Variants in ARVCF observed in about 807,000 individuals in gnomAD.
The protein encoded by ARVCF is ARVCF delta catenin family member.
A neutral mutation model predicts 90.9 loss-of-function variants in ARVCF; 66 were observed. The ratio of observed to expected loss-of-function variants is 0.73; its 90% confidence interval spans 0.60 to 0.89. The LOEUF is 0.89. ARVCF is among the 40% of genes least tolerant of loss of function. The pLI is 0.00. For synonymous variants in ARVCF, 653 were observed against 603.4 expected, an observed-to-expected ratio of 1.08 and a Z score of -1.21; for missense variants, 1,469 against 1,382.3, an observed-to-expected ratio of 1.06 and a Z score of -1.00.
chr22:19,981,651 G>T lies in ARVCF; in HGVS notation c.456C>A (p.Gly152=). The change falls in exon 5 of 20, where the codon GGC becomes GGA. Residue 152 remains glycine, a synonymous_variant. Transcript: ENST00000263207. ...GPDGLPLLDG[G]PPLGPFADGA... ...CATCTGCAAAAGGGCCTAGTGGGGG[G>T]CCGCCATCCAGCAGGGGGAGTCCAT... 1.2e-6 allele frequency: 2 copies of T among 1,609,532 alleles called. No individual in the cohort carries two copies. The highest frequency in any genetic ancestry group is 1.7e-6 in the Non-Finnish European group (2 of 1,179,342).
chr22:19,991,821 A>G (rs73387746), intron 2 of ARVCF, among the ~76,000 whole-genome samples: 5,742 of 152,362 alleles, frequency 0.038, 373 homozygotes, highest in African/African-American at 0.13. Flanking sequence ...TGGGCAGGGC[A>G]TAGCCACGAG....
Position 19,971,342 on chromosome 22 carries a change from C to T in ARVCF, c.2782-7G>A, listed in dbSNP as rs752603487. The T allele has an allele frequency of 2.2e-5, 34 of 1,549,982 alleles. No individual in the cohort carries two copies. Among genetic ancestry groups the T allele is most frequent in the Non-Finnish European group, 2.8e-5 (32 of 1,147,506 alleles). On this transcript the variant is annotated splice_polypyrimidine_tract_variant and splice_region_variant and intron_variant, in intron 18 of 19. Coordinates refer to ENST00000263207, the MANE Select transcript of ARVCF (RefSeq NM_001670.3). Reference sequence around the variant, plus strand: ...CCTTCCTGCTGGGGTCGAGCTGCAGCGCACGGGTGGGCATTAGAGGCACAA... The same window carrying T: ...CCTTCCTGCTGGGGTCGAGCTGCAGTGCACGGGTGGGCATTAGAGGCACAA...
chr22:19,995,787 C>A (rs1009584341), intron 2 of ARVCF, among the ~76,000 whole-genome samples: 3 of 152,082 alleles, frequency 2.0e-5, no homozygotes, highest in East Asian at 1.9e-4. Flanking sequence ...CTGCGCTGGC[C>A]CCCCCCTCGA....
At chr22:19,986,277 C>T (rs1943760558) in intron 3 of ARVCF, among the ~76,000 whole-genome samples, 1 of 152,222 alleles carries the variant, frequency 6.6e-6, no homozygotes, top group South Asian at 2.1e-4. Context: ...GTAGGACAGG[C>T]AGGGGCCTAG....
At position 19,971,212 on chromosome 22, in the gene ARVCF, G is replaced by A. The variant is rs1207037199; in HGVS notation, c.*12+4C>T. ...TGGACGAACAACCAGATGAGAGAAC[G>A]TACCAGGCATGCAAGCTAGACCCAG... On this transcript the variant is annotated splice_donor_region_variant and intron_variant, in intron 19 of 19. Transcript: ENST00000263207. 1.0e-5 allele frequency: 16 copies of A among 1,552,052 alleles called. No homozygotes were observed. The highest frequency in any genetic ancestry group is 1.7e-4 in the Middle Eastern group (1 of 6,012).
intron 3 of ARVCF, among the ~76,000 whole-genome samples, chr22:19,987,673 G>A (rs1467481020): frequency 6.6e-6 from 1 of 151,986 alleles, no homozygotes; most frequent in Non-Finnish European, 1.5e-5. Context: ...CAGTAGTCAC[G>A]GCTCTGTGAG....
chr22:19,987,090 G>A (rs868533297), intron 3 of ARVCF: 2 of 603,382 alleles, frequency 3.3e-6, no homozygotes, highest in South Asian at 1.8e-5. Context: ...AGTTCGGCCG[G>A]CATCGGGCCG....
chr22:19,973,524 C>G, intron 13 of ARVCF, 119 bp downstream of exon 13: 2 of 1,480,180 alleles, frequency 1.4e-6, no homozygotes, highest in Admixed American at 4.3e-5. Context: ...GGACAGCGCC[C>G]AAGCGAGAGG....
At chr22:19,978,838 G>A in intron 7 of ARVCF, 59 bp downstream of exon 7, 1 of 1,553,706 alleles carries the variant, frequency 6.4e-7, no homozygotes, top group East Asian at 2.3e-5. Flanking sequence ...ACACTATCTG[G>A]GACCACGAGG....
At position 19,973,281 on chromosome 22, in the gene ARVCF, C is replaced by A; in HGVS notation, c.2276G>T (p.Arg759Leu). ...YAMAELVRNVRNAQAPPRPGA... is the reference protein window; with the variant it reads ...YAMAELVRNVLNAQAPPRPGA... ...CGGTCGCGGCGGAGCCTGTGCATTG[C>A]GCACATTCCGCACAAGCTCAGCCAT... The change falls in exon 14 of 20, where the codon CGC becomes CTC. Residue 759 changes from arginine (R) to leucine (L), a missense_variant. Transcript: ENST00000263207. 6.2e-7 allele frequency: 1 copy of A among 1,605,828 alleles called. No individual in the cohort carries two copies.
downstream of ARVCF, chr22:19,967,193 T>G (rs1284090248): frequency 2.3e-6 from 3 of 1,304,860 alleles, no homozygotes; most frequent in South Asian, 3.7e-5. Flanking sequence ...TTCAGTCCGC[T>G]GACGTCTTCT....
chr22:19,986,068 C>G (rs759585804), intron 3 of ARVCF, among the ~76,000 whole-genome samples: 1 of 152,220 alleles, frequency 6.6e-6, no homozygotes, highest in Non-Finnish European at 1.5e-5. Flanking sequence ...AGTGCACCTG[C>G]CAGGGCGTGG....
rs747550843 is a variant in ARVCF at position 19,972,896 on chromosome 22, G to A, written c.2550+29C>T. On this transcript the variant is annotated intron_variant, in intron 15 of 19. Transcript: ENST00000263207. ...GTGGGAATAAGGCAAAGTGAGCAGGGAATGGAAGGAAGGCCAGGGAAGCCG... is the reference window on the plus strand; with the variant it reads ...GTGGGAATAAGGCAAAGTGAGCAGGAAATGGAAGGAAGGCCAGGGAAGCCG... 17 of 1,613,742 alleles carry A rather than the reference G, an allele frequency of 1.1e-5. No individual in the cohort carries two copies. The Admixed American group carries it at 2.5e-4, about 24-fold the overall frequency.
chr22:19,974,482 G>A (rs2146257943), intron 11 of ARVCF, among the ~76,000 whole-genome samples: 1 of 152,214 alleles, frequency 6.6e-6, no homozygotes, highest in South Asian at 2.1e-4. Flanking sequence ...GGAGCATCCA[G>A]GAGGCCTGGG....
intron 1 of ARVCF, among the ~76,000 whole-genome samples, chr22:20,010,901 G>A (rs1944802972): frequency 6.6e-6 from 1 of 152,210 alleles, no homozygotes; most frequent in Admixed American, 6.5e-5. Flanking sequence ...TAAGACATCT[G>A]CTCCACCTCC....
intron 3 of ARVCF, among the ~76,000 whole-genome samples, 156 bp from the exon 4 acceptor site, chr22:19,982,247 C>T (rs1199184853): frequency 3.3e-5 from 5 of 152,190 alleles, no homozygotes; most frequent in African/African-American, 4.8e-5. Flanking sequence ...AGGCCTGTTT[C>T]GGCCCAAGCT....
chr22:19,997,066 A>C (rs915012785), intron 2 of ARVCF, among the ~76,000 whole-genome samples: 3 of 152,352 alleles, frequency 2.0e-5, no homozygotes, highest in Non-Finnish European at 4.4e-5. Flanking sequence ...AAAGGTGGCC[A>C]AGACCAAAGC....
In ARVCF at chr22:19,979,061, T is replaced by A. The variant is rs773329870; in HGVS notation, c.1416A>T (p.Ser472=). The change falls in exon 7 of 20, where the codon TCA becomes TCT. Residue 472 remains serine, a synonymous_variant. Coordinates refer to ENST00000263207, the MANE Select transcript of ARVCF (RefSeq NM_001670.3). ...TGACCATCTTCAGGGGCTCATAGGATGACAGGTTCCACAGGGTGCCTGTGG... is the reference window on the plus strand; with the variant it reads ...TGACCATCTTCAGGGGCTCATAGGAAGACAGGTTCCACAGGGTGCCTGTGG... ...ELVTGTLWNL[S]SYEPLKMVII... 10 of 1,612,948 alleles carry A rather than the reference T, an allele frequency of 6.2e-6. No individual in the cohort carries two copies. The highest frequency in any genetic ancestry group is 1.7e-5 in the Admixed American group (1 of 59,972).
rs756242656 is a variant in ARVCF at position 19,973,233 on chromosome 22, G to A, written c.2324C>T (p.Thr775Ile). 3.1e-6 allele frequency: 5 copies of A among 1,610,618 alleles called. No individual in the cohort carries two copies. Among genetic ancestry groups the A allele is most frequent in the South Asian group, 2.2e-5 (2 of 90,648 alleles). Reference protein sequence around the residue: ...PRPGACLEEDTVVAVLNTIHE... With the variant: ...PRPGACLEEDIVVAVLNTIHE... ...GATGGTGTTGAGCACCGCCACCACG[G>A]TGTCTTCCTCCAGGCAGGCCCCCGG... Residue 775 changes from threonine to isoleucine, a missense_variant, in exon 14 of 20, where the codon ACC becomes ATC. By Grantham distance (89) the Thr-to-Ile change is moderately conservative. Coordinates refer to ENST00000263207, the MANE Select transcript of ARVCF (RefSeq NM_001670.3).
Sources: allele counts gnomAD v4.1 joint callset (sites outside exome capture counted in the v4.1 genomes callset), GRCh38; gene constraint gnomAD v4.1.1; transcripts MANE v1.5; gene names NCBI Gene and HGNC (gene_info 2026-07-23, HGNC 2026-07-21).